The following CMC1 variants were observed in gnomAD, a reference collection of about 807,000 sequenced individuals.
The protein encoded by CMC1 is COX assembly mitochondrial protein homolog.
CMC1 carries 14 observed loss-of-function variants against 14.1 expected under a neutral mutation model. That is an observed-to-expected ratio of 0.99 (90% confidence interval 0.66 to 1.55). The LOEUF is 1.55. Ranked by LOEUF, CMC1 falls within the 40% of genes most tolerant of loss-of-function variation. The pLI is 0.00. For missense variants in CMC1, 127 were observed against 123.8 expected, an observed-to-expected ratio of 1.03 and a Z score of -0.12; for synonymous variants, 50 against 38.4, an observed-to-expected ratio of 1.30 and a Z score of -1.12.
chr3:28,318,615 C>CT (rs1257704266), intron 3 of CMC1: 1 of 151,954 alleles, frequency 6.6e-6, no homozygotes, highest in Non-Finnish European at 1.5e-5. Context: ...TACAACGTGT[C>CT]TTTGTGAATT....
intron 1 of CMC1, among the ~76,000 whole-genome samples, chr3:28,251,103 A>G (rs1699103729): frequency 1.3e-5 from 2 of 152,106 alleles, no homozygotes; most frequent in Admixed American, 1.3e-4. Flanking sequence ...ATACCTTAGG[A>G]TGAGTAATTT....
At chr3:28,253,868 C>T (rs1368931721) in intron 1 of CMC1, 1 of 470,540 alleles carries the variant, frequency 2.1e-6, no homozygotes, top group African/African-American at 2.0e-5. Context: ...ATAACTTGCC[C>T]TTCATATATC....
intron 2 of CMC1, among the ~76,000 whole-genome samples, chr3:28,315,637 TACAGTCGTGCACTGCATG>T (rs1185215523): frequency 2.0e-5 from 3 of 152,216 alleles, no homozygotes; most frequent in Admixed American, 2.0e-4. Flanking sequence ...TCCTAGAATA[TACAGTCGTGCACTGCATG>T]ACAGTGTTTA....
chr3:28,293,891 C>A (rs1022362796), intron 2 of CMC1, among the ~76,000 whole-genome samples: 2 of 151,844 alleles, frequency 1.3e-5, no homozygotes, highest in Non-Finnish European at 2.9e-5. Flanking sequence ...TAAAAGTATT[C>A]TTTTTTTTAA....
At chr3:28,270,277 T>TA (rs1234745204) in intron 2 of CMC1, among the ~76,000 whole-genome samples, 2 of 152,232 alleles carry the variant, frequency 1.3e-5, no homozygotes, top group East Asian at 3.8e-4. Flanking sequence ...ATATACCCAG[T>TA]AATGGGATTG....
At chr3:28,243,212 CG>C in intron 1 of CMC1, among the ~76,000 whole-genome samples, 1 of 152,086 alleles carries the variant, frequency 6.6e-6, no homozygotes, top group South Asian at 2.1e-4. Context: ...CCCGCCACCA[CG>C]GCCGGCTAAT....
intron 2 of CMC1, among the ~76,000 whole-genome samples, chr3:28,276,802 T>A (rs1381967743): frequency 1.3e-5 from 2 of 152,260 alleles, no homozygotes; most frequent in African/African-American, 2.4e-5. Context: ...GGAGGCATTT[T>A]GGTTTCTACA....
chr3:28,246,270 C>T (rs1413787819), intron 1 of CMC1, among the ~76,000 whole-genome samples: 2 of 151,738 alleles, frequency 1.3e-5, no homozygotes, highest in Non-Finnish European at 2.9e-5. Flanking sequence ...ATTTTTGTCT[C>T]ATCGGATTAA....
At chr3:28,256,229 CAA>C (rs2125444191) in intron 1 of CMC1, among the ~76,000 whole-genome samples, 1 of 151,068 alleles carries the variant, frequency 6.6e-6, no homozygotes, top group East Asian at 2.0e-4. Context: ...GTATACGTGT[CAA>C]GAGATCTTGC....
chr3:28,246,420 A>G (rs905788233), intron 1 of CMC1, among the ~76,000 whole-genome samples: 2 of 152,156 alleles, frequency 1.3e-5, no homozygotes, highest in African/African-American at 2.4e-5. Flanking sequence ...GAAGCATGAA[A>G]TGATCTGTAA....
In CMC1 at chr3:28,286,663, C is replaced by T. The variant is rs541652603; in HGVS notation, c.109+23283C>T. Among the ~76,000 whole-genome samples, 9 of 152,256 alleles carry T rather than the reference C, an allele frequency of 5.9e-5. No homozygotes were observed. The South Asian group carries it at 1.9e-3, about 32-fold the overall frequency. ...GTGAATGGAATATATCAATTTTCTT[C>T]TTTCCATTTCCTTTTTGTATTAGAG... On this transcript the variant is annotated intron_variant, in intron 2 of 3. Transcript: ENST00000466830.
chr3:28,279,045 A>G (rs1168247275), intron 2 of CMC1, among the ~76,000 whole-genome samples: 4 of 152,220 alleles, frequency 2.6e-5, no homozygotes, highest in African/African-American at 9.7e-5. Flanking sequence ...ATGGCCTAGT[A>G]GCTCCATTGC....
rs142907968 is a variant in CMC1, at chr3:28,285,568, G to T, written c.109+22188G>T. Among the ~76,000 whole-genome samples the T allele has an allele frequency of 7.3e-3, 1,108 of 151,840 alleles. 14 individuals carry two copies. The highest frequency in any genetic ancestry group is 0.023 in the African/African-American group (937 of 41,416). ...GTGGGTAAGGGATGAGAAATCTATTGGGTACAGGGTACTGTATTCAGATGA... is the reference window on the plus strand; with the variant it reads ...GTGGGTAAGGGATGAGAAATCTATTTGGTACAGGGTACTGTATTCAGATGA... On this transcript the variant is annotated intron_variant, in intron 2 of 3. Transcript: ENST00000466830.
At position 28,320,698 on chromosome 3, in the gene CMC1, A is replaced by G. The variant is rs1354866512; in HGVS notation, c.*1069A>G. 1 of 151,530 alleles carries G rather than the reference A, an allele frequency of 6.6e-6. No homozygotes were observed. The highest frequency in any genetic ancestry group is 1.5e-5 in the Non-Finnish European group (1 of 67,678). 9.4% of individuals were successfully genotyped at this position (151,530 alleles called of 1,614,324 possible). Reference sequence around the variant, plus strand: ...AACCTGATAACTTGTTAGTCCTTTAATCTTTCATTTTGAAAAGTTATATTT... The same window carrying G: ...AACCTGATAACTTGTTAGTCCTTTAGTCTTTCATTTTGAAAAGTTATATTT... On this transcript the variant is annotated 3_prime_UTR_variant, in exon 4 of 4. Transcript: ENST00000466830.
chr3:28,316,652 CA>C lies in CMC1; in HGVS notation c.200+234del, dbSNP rs1309477230. ...TGATTAAAAAGATGAAGTCAGCAGA[CA>C]AAAATATATGATTTTTCACTATTTA... is the stretch of plus-strand genomic sequence containing the variant. On this transcript the variant is annotated intron_variant, in intron 3 of 3. Coordinates refer to ENST00000466830, the MANE Select transcript of CMC1 (RefSeq NM_182523.2). 4.9e-5 allele frequency: 16 copies of C among 325,332 alleles called. No homozygotes were observed. The East Asian group carries it at 7.8e-4, about 16-fold the overall frequency. 20.2% of individuals were successfully genotyped at this position (325,332 alleles called of 1,614,324 possible). A position where few individuals can be genotyped will look rare whatever the true frequency, so the allele number is the denominator to read the frequency against.
intron 3 of CMC1, chr3:28,317,463 A>G (rs1588669): frequency 0.77 from 117,652 of 151,926 alleles, 46,065 homozygotes; most frequent in East Asian, 0.97. Flanking sequence ...TTCTATTCTC[A>G]AGTGCTTCCA....
At chr3:28,302,237 C>T (rs1000620678) in intron 2 of CMC1, among the ~76,000 whole-genome samples, 9 of 152,172 alleles carry the variant, frequency 5.9e-5, no homozygotes, top group African/African-American at 1.7e-4. Flanking sequence ...ATCCTACTTT[C>T]GTTTCTCCAT....
At position 28,316,380 on chromosome 3, in the gene CMC1, T is replaced by C; in HGVS notation, c.157T>C (p.Cys53Arg). ...CTCTGGAGTTCTTATGGTAGTAAAA[T>C]GCCGGAAAGAAAATTCTGCATTGAA... ...KNSGVLMVVK[C>R]RKENSALKEC... The change falls in exon 3 of 4, where the codon TGC becomes CGC. Residue 53 changes from cysteine (C) to arginine (R), a missense_variant. Coordinates refer to ENST00000466830, the MANE Select transcript of CMC1 (RefSeq NM_182523.2). 1 of 1,599,188 alleles carries C rather than the reference T, an allele frequency of 6.3e-7. No individual in the cohort carries two copies. Among genetic ancestry groups the C allele is most frequent in the Non-Finnish European group, 8.5e-7 (1 of 1,174,474 alleles).
chr3:28,259,266 G>A (rs1243251900), intron 1 of CMC1, among the ~76,000 whole-genome samples: 1 of 151,854 alleles, frequency 6.6e-6, no homozygotes, highest in Non-Finnish European at 1.5e-5. Flanking sequence ...TTCTCAGTGG[G>A]TGTGATAACT....
Sources: allele counts gnomAD v4.1 joint callset (sites outside exome capture counted in the v4.1 genomes callset), GRCh38; gene constraint gnomAD v4.1.1; transcripts MANE v1.5; gene names NCBI Gene and HGNC (gene_info 2026-07-23, HGNC 2026-07-21).